Variants in HSF4 observed in about 807,000 individuals in gnomAD.
HSF4 encodes heat shock factor protein 4.
In HSF4, 41 loss-of-function variants were observed where a neutral mutation model predicts 52.0. The ratio of observed to expected loss-of-function variants is 0.79; its 90% confidence interval spans 0.61 to 1.02. The LOEUF is 1.02. HSF4 is among the 50% of genes least tolerant of loss of function. HSF4 has a pLI of 0.00. For synonymous variants in HSF4, 285 were observed against 273.0 expected (o/e 1.04, Z -0.43); for missense variants, 610 against 651.1 (o/e 0.94, Z 0.69).
rs1174819731 is a variant in HSF4, at chr16:67,166,322, A to C, written c.488A>C (p.Gln163Pro). ...TEARLRELRQQNEILWREVVT... is the reference protein window; with the variant it reads ...TEARLRELRQPNEILWREVVT... ...GCACCCTCCCACCCCTTCCTCAGGC[A>C]GAACGAGATCTTGTGGCGGGAGGTG... The change falls in exon 5 of 13, where the codon CAG (glutamine) becomes CCG (proline). Residue 163 changes from glutamine to proline, a missense_variant and splice_region_variant. By Grantham distance (76) the Gln-to-Pro change is moderately conservative. Coordinates refer to ENST00000521374, the MANE Select transcript of HSF4 (RefSeq NM_001374675.1). The C allele has an allele frequency of 6.2e-7, 1 of 1,612,596 alleles. No homozygotes were observed. Among genetic ancestry groups the C allele is most frequent in the Non-Finnish European group, 8.5e-7 (1 of 1,179,326 alleles).
At chr16:67,164,125 G>C, upstream of HSF4, 1 of 661,898 alleles carries the variant, frequency 1.5e-6, no homozygotes, top group South Asian at 1.5e-5. Flanking sequence ...GAGGGCACGG[G>C]CGCGGGCCGG....
chr16:67,169,749 C>T lies in HSF4; in HGVS notation c.1443C>T (p.Ala481=). ...TIYSTPESRT[A]SYLGPEASPS... is the part of the protein sequence containing the mutation. Reference sequence around the variant, plus strand: ...ATAGCACTCCTGAGAGCCGGACTGCCTCCTACTTGGGCCCGGAAGCCAGTC... The same window carrying T: ...ATAGCACTCCTGAGAGCCGGACTGCTTCCTACTTGGGCCCGGAAGCCAGTC... Residue 481 remains alanine (A), a synonymous_variant, in exon 13 of 13, where the codon GCC becomes GCT. Transcript: ENST00000521374. The surrounding 1 kb of genome is among the most constrained non-coding windows in gnomAD (Gnocchi z 4.3). The T allele has an allele frequency of 1.9e-6, 3 of 1,613,108 alleles. No homozygotes were observed. The highest frequency in any genetic ancestry group is 2.2e-5 in the East Asian group (1 of 44,870).
Position 67,166,538 on chromosome 16 carries a change from AACCTTTGC to A in HSF4, c.562-19_562-12del. The A allele has an allele frequency of 6.2e-7, 1 of 1,613,772 alleles. No individual in the cohort carries two copies. Among genetic ancestry groups the A allele is most frequent in the Non-Finnish European group, 8.5e-7 (1 of 1,179,858 alleles). On this transcript the variant is annotated splice_polypyrimidine_tract_variant and intron_variant, in intron 5 of 12. Transcript: ENST00000521374. ...GGGGCTGTGTCCAAAGTATGAATTA[AACCTTTGC>A]TTTCTCTTCAGCTGATCCAGTGTCT...
chr16:67,163,829 C>T, upstream of HSF4: 1 of 1,535,486 alleles, frequency 6.5e-7, no homozygotes, highest in Non-Finnish European at 8.7e-7. Context: ...GATTGGGCGA[C>T]TTCTCTCCCC....
At chr16:67,166,913 G>T (rs1187430407) in intron 6 of HSF4, among the ~76,000 whole-genome samples, 5 of 151,954 alleles carry the variant, frequency 3.3e-5, no homozygotes, top group East Asian at 1.9e-4. Context: ...CTCAAACCAG[G>T]TTCCCTCCCT....
chr16:67,163,769 C>T (rs756924028), upstream of HSF4: 2 of 1,579,084 alleles, frequency 1.3e-6, no homozygotes, highest in Non-Finnish European at 1.7e-6. Context: ...GCACCTATAC[C>T]CTCAAGCTCA....
intron 8 of HSF4, 34 bp downstream of exon 8, chr16:67,167,633 T>C (rs767986201): frequency 1.2e-6 from 2 of 1,612,208 alleles, no homozygotes; most frequent in South Asian, 2.2e-5. Context: ...GAGGGGCCTG[T>C]GGGGGAGGGC....
chr16:67,169,690 C>T lies in HSF4; in HGVS notation c.1384C>T (p.Pro462Ser). The T allele has an allele frequency of 6.2e-7, 1 of 1,612,692 alleles. No homozygotes were observed. The highest frequency in any genetic ancestry group is 1.1e-5 in the South Asian group (1 of 91,078). Residue 462 changes from proline (P) to serine (S), a missense_variant, in exon 13 of 13, where the codon CCA (proline) becomes TCA (serine). Transcript: ENST00000521374. This position sits in a 1 kb window ranked among gnomAD's most constrained non-coding sequence, Gnocchi z 4.3. ...LLDVQAALGG[P>S]ALGLPGALTI... ...GGATGTCCAGGCGGCCTTGGGAGGCCCAGCCCTGGGCCTGCCTGGGGCTTT... is the reference window on the plus strand; with the variant it reads ...GGATGTCCAGGCGGCCTTGGGAGGCTCAGCCCTGGGCCTGCCTGGGGCTTT...
chr16:67,167,082 C>A (rs186588971), intron 6 of HSF4, 38 bp from the exon 7 acceptor site: 4 of 1,613,816 alleles, frequency 2.5e-6, no homozygotes, highest in Non-Finnish European at 3.4e-6. Context: ...GGGGCTGACC[C>A]TGCCCCACCC....
At chr16:67,168,700 T>G (rs978769432) in intron 9 of HSF4, 131 bp from the exon 10 acceptor site, 15 of 708,418 alleles carry the variant, frequency 2.1e-5, no homozygotes, top group East Asian at 5.3e-5. Context: ...AGGTTGGGGG[T>G]GGAGAGAGGA....
In HSF4 at chr16:67,169,503, CGA is replaced by C; in HGVS notation, c.1325-124_1325-123del. The C allele has an allele frequency of 6.3e-7, 1 of 1,583,846 alleles. No individual in the cohort carries two copies. On this transcript the variant is annotated intron_variant, in intron 12 of 12. Coordinates refer to ENST00000521374, the MANE Select transcript of HSF4 (RefSeq NM_001374675.1). The surrounding 1 kb of genome is among the most constrained non-coding windows in gnomAD (Gnocchi z 4.3). ...AGCCACCCATGCCCTCACCATTGGG[CGA>C]GAGTGGGGAGGTTAAGAATGGATGT... is the stretch of plus-strand genomic sequence containing the variant.
Position 67,165,115 on chromosome 16 carries a change from G to T in HSF4, c.123+181G>T. The T allele has an allele frequency of 1.5e-6, 1 of 688,232 alleles. No homozygotes were observed. Among genetic ancestry groups the T allele is most frequent in the Non-Finnish European group, 2.4e-6 (1 of 418,424 alleles). 42.6% of individuals were successfully genotyped at this position (688,232 alleles called of 1,614,324 possible). A position where few individuals can be genotyped will look rare whatever the true frequency, so the allele number is the denominator to read the frequency against. The stretch of plus-strand genomic sequence containing the variant: ...GGGTTTCCTCTGCGGCCGAAGAAGG[G>T]TTAGGAGCCTGCCTTCTGAAGACCT... On this transcript the variant is annotated intron_variant, in intron 1 of 12. Coordinates refer to ENST00000521374, the MANE Select transcript of HSF4 (RefSeq NM_001374675.1). This position sits in a 1 kb window ranked among gnomAD's most constrained non-coding sequence, Gnocchi z 6.9.
In HSF4 at chr16:67,165,882, A is replaced by G. The variant is rs1299535332; in HGVS notation, c.360+36A>G. On this transcript the variant is annotated intron_variant, in intron 3 of 12. Coordinates refer to ENST00000521374, the MANE Select transcript of HSF4 (RefSeq NM_001374675.1). This position sits in a 1 kb window ranked among gnomAD's most constrained non-coding sequence, Gnocchi z 6.9. ...CCTGCGGGAATGAGCAAAGAGGAGG[A>G]GGGGTGCTGGGACTGCCTGCCTTGC... The G allele has an allele frequency of 1.9e-6, 3 of 1,596,876 alleles. No individual in the cohort carries two copies. In the African/African-American group the frequency reaches 4.0e-5, roughly 21 times the overall value.
rs756007315 is a variant in HSF4 at position 67,167,905 on chromosome 16, C to G, written c.1040C>G (p.Ala347Gly). Residue 347 changes from alanine to glycine, a missense_variant, in exon 9 of 13, where the codon GCC becomes GGC. By Grantham distance (60) the Ala-to-Gly change is moderately conservative. Transcript: ENST00000521374. ...GSFSPEGPRN[A>G]QQPEPGDPRE... is the part of the protein sequence containing the mutation. The stretch of plus-strand genomic sequence containing the variant: ...TTCAGCCCCGAGGGGCCCAGGAATG[C>G]CCAACAGCCTGAACCAGGGGATCCC... 6.2e-7 allele frequency: 1 copy of G among 1,603,888 alleles called. No homozygotes were observed. Among genetic ancestry groups the G allele is most frequent in the East Asian group, 2.2e-5 (1 of 44,670 alleles).
upstream of HSF4, chr16:67,163,768 C>T (rs946205002): frequency 1.3e-6 from 2 of 1,578,548 alleles, no homozygotes; most frequent in East Asian, 2.2e-5. Context: ...CGCACCTATA[C>T]CCTCAAGCTC....
chr16:67,169,641 C>T lies in HSF4; in HGVS notation c.1335C>T (p.Pro445=), dbSNP rs760572146. ...TCCCACTTCTCCTAGGGAAGGACCC[C>T]ACGCTCGGGGCCCCACTCCTGCTGG... ...GLNSPSPGKD[P]TLGAPLLLDV... Residue 445 remains proline, a synonymous_variant, in exon 13 of 13, where the codon CCC becomes CCT. Transcript: ENST00000521374. The surrounding 1 kb of genome is among the most constrained non-coding windows in gnomAD (Gnocchi z 4.3). 1 of 1,608,550 alleles carries T rather than the reference C, an allele frequency of 6.2e-7. No individual in the cohort carries two copies. The highest frequency in any genetic ancestry group is 1.3e-5 in the African/African-American group (1 of 74,918).
Position 67,169,224 on chromosome 16 carries a change from GT to G in HSF4, c.1255-54del. ...GAATTGTCACAGTGATTTCCCAGCT[GT>G]CCCCCTCAGCTGCTAGGTCCCCTCC... On this transcript the variant is annotated intron_variant, in intron 11 of 12. Transcript: ENST00000521374. The surrounding 1 kb of genome is among the most constrained non-coding windows in gnomAD (Gnocchi z 4.3). The G allele has an allele frequency of 1.2e-6, 2 of 1,610,184 alleles. No homozygotes were observed. Among genetic ancestry groups the G allele is most frequent in the Non-Finnish European group, 1.7e-6 (2 of 1,178,652 alleles).
rs779512467 is a variant in HSF4, at chr16:67,167,150, C to T, written c.657C>T (p.Cys219=). The T allele has an allele frequency of 1.2e-6, 2 of 1,614,166 alleles. No homozygotes were observed. The highest frequency in any genetic ancestry group is 3.3e-5 in the Admixed American group (2 of 60,028). Residue 219 remains cysteine (C), a synonymous_variant, in exon 7 of 13, where the codon TGC becomes TGT. Coordinates refer to ENST00000521374, the MANE Select transcript of HSF4 (RefSeq NM_001374675.1). ...LSLMLDEGSS[C]PTPAKFNTCP... is the part of the protein sequence containing the mutation. ...TGATGCTGGATGAGGGGAGCTCATG[C>T]CCAACACCTGCCAAGTTCAACACCT... is the stretch of plus-strand genomic sequence containing the variant.
chr16:67,167,548 A>T lies in HSF4; in HGVS notation c.803A>T (p.Asp268Val). The T allele has an allele frequency of 6.2e-7, 1 of 1,613,468 alleles. No individual in the cohort carries two copies. The highest frequency in any genetic ancestry group is 2.2e-5 in the East Asian group (1 of 44,844). ...RGPIISDIPE[D>V]SPSPEGTRLS... ...CCCATCATCTCTGACATCCCAGAAG[A>T]CTCTCCATCCCCTGAGGGGACCAGG... The change falls in exon 8 of 13, where the codon GAC (aspartate) becomes GTC (valine). Residue 268 changes from aspartate (D) to valine (V), a missense_variant. Asp to Val is a radical substitution (Grantham distance 152). Coordinates refer to ENST00000521374, the MANE Select transcript of HSF4 (RefSeq NM_001374675.1).
Sources: allele counts gnomAD v4.1 joint callset (sites outside exome capture counted in the v4.1 genomes callset), GRCh38; gene constraint gnomAD v4.1.1; non-coding constraint Gnocchi (gnomAD v3.1); transcripts MANE v1.5; gene names NCBI Gene and HGNC (gene_info 2026-07-23, HGNC 2026-07-21).